Variants in DCC observed in about 807,000 individuals in gnomAD.
The protein encoded by DCC is netrin receptor DCC.
A neutral mutation model predicts 172.5 loss-of-function variants in DCC; 58 were observed. The observed-to-expected ratio is 0.34, with a 90% CI of 0.27 to 0.42. The LOEUF is 0.42. Among genes scored for constraint, DCC ranks in the 10% least tolerant of loss-of-function variants. DCC has a pLI of 1.00. For missense variants in DCC, 1,740 were observed against 1,791.0 expected, an observed-to-expected ratio of 0.97 and a Z score of 0.51; for synonymous variants, 709 against 644.5, an observed-to-expected ratio of 1.10 and a Z score of -1.52.
intron 1 of DCC, among the ~76,000 whole-genome samples, chr18:52,577,467 T>C (rs2033441235): frequency 6.6e-6 from 1 of 152,182 alleles, no homozygotes; most frequent in Admixed American, 6.5e-5. Flanking sequence ...TGTGCTAACG[T>C]TTGCAATAGA....
intron 12 of DCC, among the ~76,000 whole-genome samples, chr18:53,297,166 A>C (rs565332073): frequency 1.3e-5 from 2 of 152,318 alleles, no homozygotes; most frequent in Admixed American, 6.5e-5. Flanking sequence ...CTACTCTTGT[A>C]CGTCTACAGT....
intron 2 of DCC, among the ~76,000 whole-genome samples, chr18:52,815,571 A>C (rs913889390): frequency 2.6e-5 from 4 of 152,158 alleles, no homozygotes; most frequent in Non-Finnish European, 5.9e-5. Context: ...TTCAACTTGG[A>C]CTTCCAGAGC....
At chr18:52,411,116 C>T (rs966735578) in intron 1 of DCC, among the ~76,000 whole-genome samples, 1 of 152,080 alleles carries the variant, frequency 6.6e-6, no homozygotes, top group Non-Finnish European at 1.5e-5. Context: ...TTATTCTTAG[C>T]GGTAAACTTC....
chr18:53,293,090 T>A (rs2144753744), intron 12 of DCC, among the ~76,000 whole-genome samples: 1 of 152,324 alleles, frequency 6.6e-6, no homozygotes, highest in South Asian at 2.1e-4. Flanking sequence ...CACCTCTCAA[T>A]AACTAGGGAG....
At chr18:52,468,998 T>G (rs1171855329) in intron 1 of DCC, among the ~76,000 whole-genome samples, 1 of 152,054 alleles carries the variant, frequency 6.6e-6, no homozygotes, top group Non-Finnish European at 1.5e-5. Context: ...ATGCTGAATT[T>G]AGGCTTTTAC....
At chr18:52,570,059 T>C (rs2033256672) in intron 1 of DCC, among the ~76,000 whole-genome samples, 2 of 152,310 alleles carry the variant, frequency 1.3e-5, no homozygotes, top group Non-Finnish European at 2.9e-5. Context: ...TTATTTAAGG[T>C]ATCTAGCTCC....
intron 7 of DCC, among the ~76,000 whole-genome samples, chr18:53,074,456 C>A (rs2042698484): frequency 6.6e-6 from 1 of 152,066 alleles, no homozygotes; most frequent in African/African-American, 2.4e-5. Context: ...GAACGTTTTC[C>A]TTTATAAGCC....
intron 12 of DCC, among the ~76,000 whole-genome samples, chr18:53,268,950 G>T (rs77927649): frequency 0.017 from 2,615 of 152,248 alleles, 36 homozygotes; most frequent in Middle Eastern, 0.031. Context: ...GTAGTCTCCA[G>T]GTCATTTACA....
Position 52,745,303 on chromosome 18 carries a change from T to C in DCC, c.92-6751T>C, listed in dbSNP as rs138739726. Among the ~76,000 whole-genome samples, 397 of 152,246 alleles carry C rather than the reference T, an allele frequency of 2.6e-3. 2 individuals carry two copies. The highest frequency in any genetic ancestry group is 0.017 in the Middle Eastern group (5 of 294). On this transcript the variant is annotated intron_variant, in intron 1 of 28. Transcript: ENST00000442544. ...TCAAATATGAAAAGTCATGGCAAGA[T>C]AGTAGAAGGGACACAAGAACCCCCT...
At chr18:53,275,218 C>A (rs1298585587) in intron 12 of DCC, among the ~76,000 whole-genome samples, 1 of 152,032 alleles carries the variant, frequency 6.6e-6, no homozygotes. Flanking sequence ...TATTAGAGAA[C>A]AACATATACC....
intron 15 of DCC, among the ~76,000 whole-genome samples, chr18:53,373,967 G>A (rs2058085674): frequency 1.3e-5 from 2 of 152,110 alleles, no homozygotes; most frequent in Non-Finnish European, 2.9e-5. Flanking sequence ...CTTTACATTT[G>A]AATATAAAAC....
chr18:53,088,708 C>A (rs559944246), intron 7 of DCC, among the ~76,000 whole-genome samples: 1 of 152,054 alleles, frequency 6.6e-6, no homozygotes, highest in African/African-American at 2.4e-5. Context: ...ATCAAATAGA[C>A]GCAATAAAAA....
At chr18:52,347,104 A>C (rs1983912470) in intron 1 of DCC, among the ~76,000 whole-genome samples, 3 of 152,204 alleles carry the variant, frequency 2.0e-5, no homozygotes, top group Admixed American at 2.0e-4. Context: ...CTGAATCTTT[A>C]GGATGTTATC....
Position 53,533,421 on chromosome 18 carries a change from G to A in DCC, c.*2768G>A, listed in dbSNP as rs1232681331. 1 of 152,130 alleles carries A rather than the reference G, an allele frequency of 6.6e-6. No homozygotes were observed. The highest frequency in any genetic ancestry group is 1.9e-4 in the East Asian group (1 of 5,196). The allele number at this position is 152,130 out of a possible 1,614,324, so 9.4% of individuals were successfully genotyped here. On this transcript the variant is annotated 3_prime_UTR_variant, in exon 29 of 29. Transcript: ENST00000442544. The stretch of plus-strand genomic sequence containing the variant: ...AAAAAGAAGAAAATCATATTTGGCA[G>A]AGCATTCTCTGGTCTGCCCTGTAAT...
At chr18:52,678,459 C>A (rs1043222892) in intron 1 of DCC, among the ~76,000 whole-genome samples, 1 of 151,916 alleles carries the variant, frequency 6.6e-6, no homozygotes, top group African/African-American at 2.4e-5. Flanking sequence ...TTTGTTGTTG[C>A]CTTTAAATTT....
chr18:52,893,018 A>G (rs2039674195), intron 2 of DCC, among the ~76,000 whole-genome samples: 1 of 152,150 alleles, frequency 6.6e-6, no homozygotes, highest in Admixed American at 6.6e-5. Context: ...TAAGAGGAAA[A>G]AATTGACTCC....
intron 2 of DCC, among the ~76,000 whole-genome samples, chr18:52,766,599 A>G (rs567948068): frequency 3.3e-5 from 5 of 152,162 alleles, no homozygotes; most frequent in African/African-American, 1.2e-4. Context: ...AAGTCTGGCC[A>G]TCTCTGGCTG....
chr18:53,215,827 TAAAC>T (rs978052329), intron 12 of DCC, among the ~76,000 whole-genome samples: 11 of 152,166 alleles, frequency 7.2e-5, no homozygotes, highest in African/African-American at 9.7e-5. Flanking sequence ...TTACAAATAT[TAAAC>T]AAACATTGAT....
At chr18:52,652,590 A>G (rs1237485862) in intron 1 of DCC, among the ~76,000 whole-genome samples, 1 of 152,266 alleles carries the variant, frequency 6.6e-6, no homozygotes, top group Middle Eastern at 3.4e-3. Context: ...ACACGGGCCC[A>G]TTGGAATGTT....
Sources: gnomAD v4.1 joint callset for allele counts (sites outside exome capture counted in the v4.1 genomes callset) on GRCh38, gnomAD v4.1.1 for gene constraint, MANE v1.5 for transcripts, NCBI Gene and HGNC (gene_info 2026-07-23, HGNC 2026-07-21) for gene names.